AGPAT4: variants seen among roughly 807,000 people sequenced by gnomAD.
AGPAT4 encodes the protein 1-acylglycerol-3-phosphate O-acyltransferase 4, also known as 1-acyl-sn-glycerol-3-phosphate acyltransferase delta.
AGPAT4 carries 15 observed loss-of-function variants against 48.0 expected under a neutral mutation model. The ratio of observed to expected loss-of-function variants is 0.31; its 90% CI spans 0.21 to 0.48. The LOEUF (loss-of-function observed/expected upper bound fraction) is 0.48, where lower values mean the gene tolerates loss of function less well. Among genes scored for constraint, AGPAT4 ranks in the 20% least tolerant of loss-of-function variants. AGPAT4 has a pLI of 0.99. For synonymous variants in AGPAT4, 178 were observed against 198.7 expected, an observed-to-expected ratio of 0.90 and a Z score of 0.88; for missense variants, 314 against 482.5, an observed-to-expected ratio of 0.65 and a Z score of 3.27.
chr6:161,266,902 C>A lies in AGPAT4; in HGVS notation c.-90+7036G>T, dbSNP rs550496627. Among the ~76,000 whole-genome samples, 1 of 152,334 alleles carries A rather than the reference C, an allele frequency of 6.6e-6. No homozygotes were observed. Among genetic ancestry groups the A allele is most frequent in the South Asian group, 2.1e-4 (1 of 4,820 alleles). ...ATGGGCAAGAGACCAAATTTCACTC[C>A]AGGATCAATTCAAGTCTCCCATTCT... On this transcript the variant is annotated intron_variant, in intron 1 of 8. Transcript: ENST00000320285. The surrounding 1 kb of genome is among the most constrained non-coding windows in gnomAD (Gnocchi z 6.2).
intron 3 of AGPAT4, among the ~76,000 whole-genome samples, chr6:161,162,406 C>T (rs1183320076): frequency 6.6e-6 from 1 of 152,256 alleles, no homozygotes; most frequent in Admixed American, 6.5e-5. Context: ...CCCGCTCTCT[C>T]TCTCTTGCAT....
Position 161,144,331 on chromosome 6 carries a change from G to C in AGPAT4, c.843+2193C>G. On this transcript the variant is annotated intron_variant, in intron 7 of 8. Transcript: ENST00000320285. This position sits in a 1 kb window ranked among gnomAD's most constrained non-coding sequence, Gnocchi z 6.6. ...CTTTGATCAGTGAGCTGGAAAACTG[G>C]GTAAATCACTTCATCTTTCGGACCT... The C allele has an allele frequency of 2.5e-6, 1 of 406,708 alleles. No individual in the cohort carries two copies. The highest frequency in any genetic ancestry group is 1.8e-5 in the South Asian group (1 of 55,852). 25.2% of individuals were successfully genotyped at this position (406,708 alleles called of 1,614,324 possible).
rs1423153010 is a variant in AGPAT4, at chr6:161,222,019, C to T, written c.178+10017G>A. 6.6e-6 allele frequency among the ~76,000 whole-genome samples: 1 copy of T among 152,192 alleles called. No individual in the cohort carries two copies. Among genetic ancestry groups the T allele is most frequent in the Non-Finnish European group, 1.5e-5 (1 of 68,032 alleles). ...GTGACACCAAGCGTCCAGCTCTTTC[C>T]TCTCAGTTCCTTTCCACGAATGACT... is the stretch of plus-strand genomic sequence containing the variant. On this transcript the variant is annotated intron_variant, in intron 2 of 8. Transcript: ENST00000320285. This position sits in a 1 kb window ranked among gnomAD's most constrained non-coding sequence, Gnocchi z 5.9.
At position 161,255,529 on chromosome 6, in the gene AGPAT4, T is replaced by A. The variant is rs1376696187; in HGVS notation, c.-90+18409A>T. Among the ~76,000 whole-genome samples the A allele has an allele frequency of 6.6e-6, 1 of 152,188 alleles. No individual in the cohort carries two copies. The highest frequency in any genetic ancestry group is 1.5e-5 in the Non-Finnish European group (1 of 68,034). On this transcript the variant is annotated intron_variant, in intron 1 of 8. Coordinates refer to ENST00000320285, the MANE Select transcript of AGPAT4 (RefSeq NM_020133.3). This position sits in a 1 kb window ranked among gnomAD's most constrained non-coding sequence, Gnocchi z 4.7. The stretch of plus-strand genomic sequence containing the variant: ...ACAGTATATCCATAAAATGGAATAT[T>A]CTCCAGCCACAAGAAAGAATAAATT...
In AGPAT4 at chr6:161,144,008, C is replaced by G; in HGVS notation, c.843+2516G>C. On this transcript the variant is annotated intron_variant, in intron 7 of 8. Coordinates refer to ENST00000320285, the MANE Select transcript of AGPAT4 (RefSeq NM_020133.3). This position sits in a 1 kb window ranked among gnomAD's most constrained non-coding sequence, Gnocchi z 6.6. ...CCACACTTCTGACTGCAAGGTTGAT[C>G]ATTAAAATGAAATCCCACTTTGACA... is the stretch of plus-strand genomic sequence containing the variant. 2 of 408,442 alleles carry G rather than the reference C, an allele frequency of 4.9e-6. No individual in the cohort carries two copies. Among genetic ancestry groups the G allele is most frequent in the Admixed American group, 2.9e-5 (1 of 34,134 alleles). 25.3% of individuals were successfully genotyped at this position (408,442 alleles called of 1,614,324 possible).
intron 2 of AGPAT4, among the ~76,000 whole-genome samples, chr6:161,179,070 CAACCATTGCCTGTCATTT>C (rs1780509886): frequency 6.6e-6 from 1 of 152,134 alleles, no homozygotes; most frequent in African/African-American, 2.4e-5. Context: ...GCCTGCTATT[CAACCATTGCCTGTCATTT>C]AACCATTGCC....
intron 2 of AGPAT4, among the ~76,000 whole-genome samples, chr6:161,183,174 C>T (rs1025755711): frequency 6.6e-6 from 1 of 152,192 alleles, no homozygotes; most frequent in African/African-American, 2.4e-5. Flanking sequence ...TCTGATGACC[C>T]AGGCCTGGAC....
At chr6:161,209,630 A>G (rs771638901) in intron 2 of AGPAT4, among the ~76,000 whole-genome samples, 2 of 152,184 alleles carry the variant, frequency 1.3e-5, no homozygotes, top group Non-Finnish European at 2.9e-5. Context: ...GTCAGACCCG[A>G]ACAGGCTCCT....
intron 2 of AGPAT4, among the ~76,000 whole-genome samples, chr6:161,227,491 T>C (rs932007942): frequency 6.6e-5 from 10 of 152,182 alleles, no homozygotes; most frequent in African/African-American, 2.4e-4. Flanking sequence ...CCGTGGTCGT[T>C]AATTTCAGAC....
In AGPAT4 at chr6:161,221,999, A is replaced by T. The variant is rs1781848286; in HGVS notation, c.178+10037T>A. On this transcript the variant is annotated intron_variant, in intron 2 of 8. Coordinates refer to ENST00000320285, the MANE Select transcript of AGPAT4 (RefSeq NM_020133.3). This position sits in a 1 kb window ranked among gnomAD's most constrained non-coding sequence, Gnocchi z 4.5. ...TGGAAGGACATAATTCAGGTGTGAC[A>T]CCAAGCGTCCAGCTCTTTCCTCTCA... Among the ~76,000 whole-genome samples, 1 of 152,230 alleles carries T rather than the reference A, an allele frequency of 6.6e-6. No individual in the cohort carries two copies. The highest frequency in any genetic ancestry group is 1.5e-5 in the Non-Finnish European group (1 of 68,042).
chr6:161,134,986 A>ATAAT lies in AGPAT4; in HGVS notation c.*1550_*1553dup, dbSNP rs1779019070. On this transcript the variant is annotated 3_prime_UTR_variant, in exon 9 of 9. Coordinates refer to ENST00000320285, the MANE Select transcript of AGPAT4 (RefSeq NM_020133.3). ...CCCTTTTTCACTTCTGTGGATTCAA[A>ATAAT]TAATTCATTTGTATCAACAAACAAA... is the stretch of plus-strand genomic sequence containing the variant. The ATAAT allele has an allele frequency of 9.2e-6, 1 of 108,264 alleles. No individual in the cohort carries two copies. The highest frequency in any genetic ancestry group is 1.1e-4 in the Admixed American group (1 of 9,436). The allele number at this position is 108,264 out of a possible 1,614,324, so 6.7% of individuals were successfully genotyped here.
Position 161,146,444 on chromosome 6 carries a change from G to A in AGPAT4, c.843+80C>T. On this transcript the variant is annotated intron_variant, in intron 7 of 8. Transcript: ENST00000320285. This position sits in a 1 kb window ranked among gnomAD's most constrained non-coding sequence, Gnocchi z 7.1. ...TGTGAGATCTCGCCCACCGGAGAAA[G>A]GCCTGCTACCACACAACACAGCCAC... 7.2e-7 allele frequency: 1 copy of A among 1,386,914 alleles called. No individual in the cohort carries two copies. Among genetic ancestry groups the A allele is most frequent in the Non-Finnish European group, 1.0e-6 (1 of 991,594 alleles). The allele number at this position is 1,386,914 out of a possible 1,614,324, so 85.9% of individuals were successfully genotyped here.
chr6:161,138,165 A>G lies in AGPAT4; in HGVS notation c.1042+1257T>C, dbSNP rs967592904. 2.0e-5 allele frequency among the ~76,000 whole-genome samples: 3 copies of G among 152,222 alleles called. No individual in the cohort carries two copies. The highest frequency in any genetic ancestry group is 6.5e-5 in the Admixed American group (1 of 15,284). On this transcript the variant is annotated intron_variant, in intron 8 of 8. Coordinates refer to ENST00000320285, the MANE Select transcript of AGPAT4 (RefSeq NM_020133.3). This position sits in a 1 kb window ranked among gnomAD's most constrained non-coding sequence, Gnocchi z 4.8. ...TGGCGGGGCATGGGGGTGCCCCTGG[A>G]CCTGCCTTAAGGAGATGAGGTGCTT... is the stretch of plus-strand genomic sequence containing the variant.
chr6:161,175,042 C>A lies in AGPAT4; in HGVS notation c.179-8625G>T, dbSNP rs149012698. 1.3e-4 allele frequency among the ~76,000 whole-genome samples: 20 copies of A among 152,252 alleles called. No homozygotes were observed. The East Asian group carries it at 3.9e-3, about 29-fold the overall frequency. ...AAGCTTTTTGATGTGCTGCTGGATTCGGTTTGCCAGTATTTTATGGAGAAT... is the reference window on the plus strand; with the variant it reads ...AAGCTTTTTGATGTGCTGCTGGATTAGGTTTGCCAGTATTTTATGGAGAAT... On this transcript the variant is annotated intron_variant, in intron 2 of 8. Transcript: ENST00000320285.
chr6:161,178,746 G>T lies in AGPAT4; in HGVS notation c.179-12329C>A, dbSNP rs188417792. On this transcript the variant is annotated intron_variant, in intron 2 of 8. Transcript: ENST00000320285. This position sits in a 1 kb window ranked among gnomAD's most constrained non-coding sequence, Gnocchi z 5.1. ...CTGTAGACTGGAGCTGTTCCTATTC[G>T]GCCATCTTGCCATGGTTGATCACTT... is the stretch of plus-strand genomic sequence containing the variant. Among the ~76,000 whole-genome samples the T allele has an allele frequency of 1.3e-5, 2 of 152,266 alleles. No individual in the cohort carries two copies. The highest frequency in any genetic ancestry group is 1.3e-4 in the Admixed American group (2 of 15,288).
chr6:161,151,365 A>G (rs984592238), intron 5 of AGPAT4, among the ~76,000 whole-genome samples: 2 of 152,220 alleles, frequency 1.3e-5, no homozygotes, highest in Non-Finnish European at 2.9e-5. Context: ...CTGTTCTTGG[A>G]GACAGCCTTG....
Position 161,180,076 on chromosome 6 carries a change from C to T in AGPAT4, c.179-13659G>A, listed in dbSNP as rs992310087. 6.6e-6 allele frequency among the ~76,000 whole-genome samples: 1 copy of T among 152,180 alleles called. No individual in the cohort carries two copies. The highest frequency in any genetic ancestry group is 1.5e-5 in the Non-Finnish European group (1 of 68,036). ...ACCTCCTTATTCTCAGCTCCTACTC[C>T]TCTCTAAGTAGTCAGTCACAAGACC... On this transcript the variant is annotated intron_variant, in intron 2 of 8. Transcript: ENST00000320285. This position sits in a 1 kb window ranked among gnomAD's most constrained non-coding sequence, Gnocchi z 6.4.
Position 161,219,759 on chromosome 6 carries a change from C to T in AGPAT4, c.178+12277G>A, listed in dbSNP as rs901114228. ...TTTGAAATTTAGAGTGACTAAATTC[C>T]CTATTTAAAACGTAAGGTCATTTCT... On this transcript the variant is annotated intron_variant, in intron 2 of 8. Transcript: ENST00000320285. The surrounding 1 kb of genome is among the most constrained non-coding windows in gnomAD (Gnocchi z 4.9). Among the ~76,000 whole-genome samples the T allele has an allele frequency of 2.0e-5, 3 of 151,508 alleles. No homozygotes were observed. Among genetic ancestry groups the T allele is most frequent in the Non-Finnish European group, 4.4e-5 (3 of 67,974 alleles).
In AGPAT4 at chr6:161,155,483, C is replaced by A. The variant is rs1035923025; in HGVS notation, c.349-1173G>T. Among the ~76,000 whole-genome samples, 1 of 152,178 alleles carries A rather than the reference C, an allele frequency of 6.6e-6. No homozygotes were observed. The highest frequency in any genetic ancestry group is 1.5e-5 in the Non-Finnish European group (1 of 68,038). On this transcript the variant is annotated intron_variant, in intron 3 of 8. Transcript: ENST00000320285. This position sits in a 1 kb window ranked among gnomAD's most constrained non-coding sequence, Gnocchi z 5.8. ...GCCTCTCCGCAGCTCCAGCTCAGCA[C>A]AGGGTCAGTAAGCCGTGTCCCCCAA...
Sources: gnomAD v4.1 joint callset for allele counts (sites outside exome capture counted in the v4.1 genomes callset) on GRCh38, gnomAD v4.1.1 for gene constraint, Gnocchi (gnomAD v3.1) non-coding constraint, MANE v1.5 for transcripts, NCBI Gene and HGNC (gene_info 2026-07-23, HGNC 2026-07-21) for gene names.